The following ATP13A2 variants were observed in gnomAD, a reference collection of about 807,000 sequenced individuals.
The protein encoded by ATP13A2 is ATPase cation transporting 13A2.
A neutral mutation model predicts 138.3 loss-of-function variants in ATP13A2; 83 were observed. The ratio of observed to expected loss-of-function variants is 0.60; its 90% confidence interval spans 0.50 to 0.72. The LOEUF is 0.72. Ranked by LOEUF, ATP13A2 falls within the 30% of genes least tolerant of loss-of-function variation. The pLI is 0.00. For missense variants in ATP13A2, 1,402 were observed against 1,606.4 expected (o/e 0.87, Z 2.17); for synonymous variants, 663 against 699.0 (o/e 0.95, Z 0.81).
chr1:17,005,431 G>A lies in ATP13A2; in HGVS notation c.231C>T (p.Leu77=), dbSNP rs2077517544. 1 of 1,613,626 alleles carries A rather than the reference G, an allele frequency of 6.2e-7. No individual in the cohort carries two copies. The highest frequency in any genetic ancestry group is 1.3e-5 in the African/African-American group (1 of 75,076). ...CGGCGTGGGCCAGGTTGCAGGGCCG[G>A]AGCCGCAGCCGCACCCCCCACAGGG... ...WKPLWGVRLR[L]RPCNLAHAET... Residue 77 remains leucine (L), a synonymous_variant, in exon 3 of 29, where the codon CTC becomes CTT. Transcript: ENST00000326735.
At chr1:16,992,639 A>G (rs921117811) in intron 16 of ATP13A2, 58 bp from the exon 17 acceptor site, 1 of 1,571,798 alleles carries the variant, frequency 6.4e-7, no homozygotes, top group Non-Finnish European at 8.8e-7. Context: ...GAGAGATTTG[A>G]GCTAGACTCA....
chr1:16,993,221 A>G (rs2076997285), intron 16 of ATP13A2, among the ~76,000 whole-genome samples: 1 of 150,930 alleles, frequency 6.6e-6, no homozygotes, highest in Non-Finnish European at 1.5e-5. Context: ...CTGGCCTATC[A>G]TTATTATTTT....
intron 6 of ATP13A2, among the ~76,000 whole-genome samples, chr1:17,002,817 A>C (rs2077409143): frequency 6.6e-6 from 1 of 152,126 alleles, no homozygotes; most frequent in Non-Finnish European, 1.5e-5. Flanking sequence ...CCACTTGCTA[A>C]GTGATGAATG....
At position 16,989,750 on chromosome 1, in the gene ATP13A2, G is replaced by A; in HGVS notation, c.2550C>T (p.Val850=). ...TCTGCTCAGGGGCCATGCGGGCAAA[G>A]ACAGTGCCCTGGACCAGGACCTGGG... is the stretch of plus-strand genomic sequence containing the variant. The part of the protein sequence containing the change: ...LLPKVLVQGT[V]FARMAPEQKT... Residue 850 remains valine, a synonymous_variant, in exon 23 of 29, where the codon GTC becomes GTT. Coordinates refer to ENST00000326735, the MANE Select transcript of ATP13A2 (RefSeq NM_022089.4). 6.2e-7 allele frequency: 1 copy of A among 1,614,072 alleles called. No homozygotes were observed. Among genetic ancestry groups the A allele is most frequent in the Non-Finnish European group, 8.5e-7 (1 of 1,180,036 alleles).
chr1:17,000,570 T>A lies in ATP13A2; in HGVS notation c.706-36A>T. On this transcript the variant is annotated intron_variant, in intron 8 of 28. Coordinates refer to ENST00000326735, the MANE Select transcript of ATP13A2 (RefSeq NM_022089.4). ...GGCGGGAGGCAGCGTCAGGGCCGCG[T>A]CCCCCAGGGCAGCCCAGCCACAGGC... 4 of 1,604,220 alleles carry A rather than the reference T, an allele frequency of 2.5e-6. No individual in the cohort carries two copies. In the South Asian group the frequency reaches 3.3e-5, roughly 13 times the overall value.
chr1:17,011,638 G>A lies in ATP13A2; in HGVS notation c.10+91C>T, dbSNP rs560989748. 7 of 1,392,838 alleles carry A rather than the reference G, an allele frequency of 5.0e-6. No homozygotes were observed. The highest frequency in any genetic ancestry group is 1.5e-5 in the South Asian group (1 of 67,918). The allele number at this position is 1,392,838 out of a possible 1,614,324, so 86.3% of individuals were successfully genotyped here. ...TGGGCTCGCGACCCCGCGGTGGGGGGCGTCGCCTCCCCTCTCCCTCCAAGG... is the reference window on the plus strand; with the variant it reads ...TGGGCTCGCGACCCCGCGGTGGGGGACGTCGCCTCCCCTCTCCCTCCAAGG... On this transcript the variant is annotated intron_variant, in intron 1 of 28. Transcript: ENST00000326735. The surrounding 1 kb of genome is among the most constrained non-coding windows in gnomAD (Gnocchi z 7.3).
chr1:17,002,309 C>T lies in ATP13A2; in HGVS notation c.622G>A (p.Asp208Asn), dbSNP rs368516298. Residue 208 changes from aspartate to asparagine, a missense_variant, in exon 7 of 29, where the codon GAC becomes AAC. Coordinates refer to ENST00000326735, the MANE Select transcript of ATP13A2 (RefSeq NM_022089.4). ...GGCAGCACTGACCTCACCATTTGGT[C>T]CTGGAGGCTGAGGCCATGGCGGGAG... Reference protein sequence around the residue: ...HRSRHGLSLQDQMVRKAIYGP... With the variant: ...HRSRHGLSLQNQMVRKAIYGP... 1.6e-5 allele frequency: 26 copies of T among 1,613,578 alleles called. No individual in the cohort carries two copies. The highest frequency in any genetic ancestry group is 2.2e-5 in the Non-Finnish European group (26 of 1,179,934).
chr1:16,986,221 C>A lies in ATP13A2; in HGVS notation c.3543G>T (p.Ter1181TyrextTer15), dbSNP rs1443725907. Residue 1181 changes from the stop codon to tyrosine, a stop_lost, in exon 29 of 29, where the codon TAG becomes TAT. Coordinates refer to ENST00000326735, the MANE Select transcript of ATP13A2 (RefSeq NM_022089.4). This position sits in a 1 kb window ranked among gnomAD's most constrained non-coding sequence, Gnocchi z 6.9. ...TGTCTGGGGTGCCCGTGGGCCTGCA[C>A]TACCTCAGGGGGCCGGCGGGCAGCG... ...WPPLPAGPLR[*>Y] The A allele has an allele frequency of 2.5e-6, 4 of 1,612,426 alleles. No individual in the cohort carries two copies. The highest frequency in any genetic ancestry group is 3.4e-6 in the Non-Finnish European group (4 of 1,179,530).
rs1055905890 is a variant in ATP13A2, at chr1:16,998,345, T to G, written c.1040-1170A>C. On this transcript the variant is annotated intron_variant, in intron 11 of 28. Coordinates refer to ENST00000326735, the MANE Select transcript of ATP13A2 (RefSeq NM_022089.4). ...TCAGCCTCCCAAGTACCTGGGACGATAGACGTGCACCACTACACCTGGCTA... is the reference window on the plus strand; with the variant it reads ...TCAGCCTCCCAAGTACCTGGGACGAGAGACGTGCACCACTACACCTGGCTA... 5.6e-4 allele frequency among the ~76,000 whole-genome samples: 85 copies of G among 152,148 alleles called. 1 individual carries two copies. Among genetic ancestry groups the G allele is most frequent in the African/African-American group, 2.0e-3 (81 of 41,512 alleles).
In ATP13A2 at chr1:16,986,842, G is replaced by A; in HGVS notation, c.3198C>T (p.Ser1066=). The A allele has an allele frequency of 6.2e-7, 1 of 1,613,204 alleles. No individual in the cohort carries two copies. Among genetic ancestry groups the A allele is most frequent in the South Asian group, 1.1e-5 (1 of 91,036 alleles). The change falls in exon 27 of 29, where the codon TCC becomes TCT. Residue 1066 remains serine, a synonymous_variant. Coordinates refer to ENST00000326735, the MANE Select transcript of ATP13A2 (RefSeq NM_022089.4). The surrounding 1 kb of genome is among the most constrained non-coding windows in gnomAD (Gnocchi z 6.9). The part of the protein sequence containing the change: ...FQYLILAAAV[S]KGAPFRRPLY... ...GCGGCCGGCGGAAGGGCGCCCCCTT[G>A]GACACGGCTGCAGCCAGGATGAGGT...
In ATP13A2 at chr1:17,002,015, G is replaced by A. The variant is rs750265692; in HGVS notation, c.705+19C>T. On this transcript the variant is annotated intron_variant, in intron 8 of 28. Transcript: ENST00000326735. ...AGCACGCCAGGCAGGGCTGGGGCAA[G>A]ACCCAGGGACAGCCCTACCTCGTCC... 4 of 1,603,092 alleles carry A rather than the reference G, an allele frequency of 2.5e-6. No homozygotes were observed. The highest frequency in any genetic ancestry group is 2.2e-5 in the East Asian group (1 of 44,664).
chr1:16,994,015 C>T (rs536520606), intron 15 of ATP13A2, among the ~76,000 whole-genome samples, 180 bp from the exon 16 acceptor site: 115 of 152,144 alleles, frequency 7.6e-4, no homozygotes, highest in Admixed American at 1.2e-3. Context: ...CTGCTGGGGT[C>T]CCCCTCCCCA....
Position 17,011,902 on chromosome 1 carries a change from C to T in ATP13A2, c.-164G>A. 1.8e-6 allele frequency: 1 copy of T among 567,812 alleles called. No homozygotes were observed. Among genetic ancestry groups the T allele is most frequent in the African/African-American group, 2.0e-5 (1 of 49,186 alleles). 35.2% of individuals were successfully genotyped at this position (567,812 alleles called of 1,614,324 possible). A position where few individuals can be genotyped will look rare whatever the true frequency, so the allele number is the denominator to read the frequency against. On this transcript the variant is annotated 5_prime_UTR_variant, in exon 1 of 29. Transcript: ENST00000326735. The surrounding 1 kb of genome is among the most constrained non-coding windows in gnomAD (Gnocchi z 7.3). ...GCTGACGCGGGCGGGGCACCTGGGC[C>T]ACCAGGCTCGGCGCGGCTCCGACAC...
chr1:16,991,591 G>T, intron 20 of ATP13A2, 143 bp downstream of exon 20: 1 of 1,230,240 alleles, frequency 8.1e-7, no homozygotes. Flanking sequence ...ATATTGTGAA[G>T]ATTCACGAAA....
At chr1:16,997,442 T>G (rs2077180256) in intron 11 of ATP13A2, among the ~76,000 whole-genome samples, 10 of 117,684 alleles carry the variant, frequency 8.5e-5, no homozygotes, top group African/African-American at 1.8e-4. Flanking sequence ...ACAGAGCATG[T>G]GTGGGCATCA....
At chr1:16,987,658 A>G (rs1287219801) in intron 25 of ATP13A2, among the ~76,000 whole-genome samples, 1 of 152,192 alleles carries the variant, frequency 6.6e-6, no homozygotes, top group African/African-American at 2.4e-5. Flanking sequence ...CCCAAGTATA[A>G]GATGTGCGCC....
At chr1:16,991,520 C>A (rs145673875) in intron 20 of ATP13A2, among the ~76,000 whole-genome samples, 5 of 152,328 alleles carry the variant, frequency 3.3e-5, no homozygotes, top group African/African-American at 1.2e-4. Flanking sequence ...TCACTCCACT[C>A]CTCTGAGTCT....
intron 24 of ATP13A2, 42 bp from the exon 25 acceptor site, chr1:16,988,276 G>T: frequency 6.2e-7 from 1 of 1,614,144 alleles, no homozygotes; most frequent in South Asian, 1.1e-5. Context: ...CAGGTTGGCT[G>T]ACCAGCCCTG....
chr1:17,002,393 G>A lies in ATP13A2; in HGVS notation c.558-20C>T, dbSNP rs749500132. The A allele has an allele frequency of 4.7e-5, 76 of 1,609,990 alleles. No individual in the cohort carries two copies. Among genetic ancestry groups the A allele is most frequent in the Non-Finnish European group, 5.6e-5 (66 of 1,178,748 alleles). On this transcript the variant is annotated intron_variant, in intron 6 of 28. Transcript: ENST00000326735. ...AGGAGGCTGGGGGTGGGTGCGAGGG[G>A]ACACGCATGGGCCATGGGGCCTGAG...
Sources: allele counts gnomAD v4.1 joint callset (sites outside exome capture counted in the v4.1 genomes callset), GRCh38; gene constraint gnomAD v4.1.1; non-coding constraint Gnocchi (gnomAD v3.1); transcripts MANE v1.5; gene names NCBI Gene and HGNC (gene_info 2026-07-23, HGNC 2026-07-21).